The following SLIT3 variants were observed in gnomAD, a reference collection of about 807,000 sequenced individuals.
SLIT3 encodes the protein slit guidance ligand 3, also known as slit homolog 3 protein.
SLIT3 carries 68 observed loss-of-function variants against 184.0 expected under a neutral mutation model. That is an observed-to-expected ratio of 0.37 (90% confidence interval 0.30 to 0.45). SLIT3 has a LOEUF of 0.45. SLIT3 is among the 20% of genes least tolerant of loss of function. The probability of loss-of-function intolerance (pLI) is 1.00; values close to 1 mark genes in which losing one functional copy is unlikely to be tolerated. For missense variants in SLIT3, 1,707 were observed against 2,026.0 expected, an observed-to-expected ratio of 0.84 and a Z score of 3.02; for synonymous variants, 831 against 828.6, an observed-to-expected ratio of 1.00 and a Z score of -0.05.
At chr5:169,018,534 G>A (rs945323467) in intron 4 of SLIT3, 1 of 152,214 alleles carries the variant, frequency 6.6e-6, no homozygotes, top group Non-Finnish European at 1.5e-5. Flanking sequence ...GAGACATGGG[G>A]ACTCAAGAAA....
chr5:168,685,271 G>A (rs1387149510), intron 31 of SLIT3, among the ~76,000 whole-genome samples: 5 of 152,182 alleles, frequency 3.3e-5, no homozygotes, highest in Admixed American at 2.0e-4. Context: ...AAAAGTTCTC[G>A]AGGTGATTCT....
chr5:169,260,701 A>G (rs946016358), intron 1 of SLIT3, among the ~76,000 whole-genome samples: 19 of 152,162 alleles, frequency 1.2e-4, no homozygotes, highest in African/African-American at 4.6e-4. Flanking sequence ...TGAATTTTCT[A>G]CCTGTTTTCT....
At chr5:168,857,763 C>G (rs1426595050) in intron 5 of SLIT3, among the ~76,000 whole-genome samples, 1 of 152,168 alleles carries the variant, frequency 6.6e-6, no homozygotes, top group Non-Finnish European at 1.5e-5. Flanking sequence ...GAGGGCTGAA[C>G]AGCAGGGTGG....
In SLIT3 at chr5:168,789,614, T is replaced by C; in HGVS notation, c.1025A>G (p.Gln342Arg). 1 of 1,613,582 alleles carries C rather than the reference T, an allele frequency of 6.2e-7. No homozygotes were observed. Among genetic ancestry groups the C allele is most frequent in the Non-Finnish European group, 8.5e-7 (1 of 1,179,694 alleles). Reference protein sequence around the residue: ...KLKRIDISKNQISDIAPDAFQ... With the variant: ...KLKRIDISKNRISDIAPDAFQ... ...GGCATCTGGAGCAATATCCGATATC[T>C]GATTCTTGCTGATGTCTCTGAAAAC... Residue 342 changes from glutamine to arginine, a missense_variant, in exon 11 of 36, where the codon CAG becomes CGG. Physicochemically the swap from Gln to Arg is conservative, Grantham distance 43. This residue lies in a region of SLIT3 where 1,307 missense variants were observed against 1,511.6 expected (regional missense o/e 0.86). Coordinates refer to ENST00000519560, the MANE Select transcript of SLIT3 (RefSeq NM_003062.4).
chr5:169,002,585 A>T (rs1282408319), intron 4 of SLIT3, among the ~76,000 whole-genome samples: 1 of 152,102 alleles, frequency 6.6e-6, no homozygotes, highest in African/African-American at 2.4e-5. Context: ...AGTCACGTGG[A>T]GTGAGTGAGT....
At chr5:168,923,733 G>T (rs982044257) in intron 4 of SLIT3, among the ~76,000 whole-genome samples, 1 of 152,142 alleles carries the variant, frequency 6.6e-6, no homozygotes, top group African/African-American at 2.4e-5. Flanking sequence ...GGGCAGGCTG[G>T]TCTTGAACTC....
rs1756285452 is a variant in SLIT3 at position 168,789,650 on chromosome 5, A to C, written c.1008-19T>G. On this transcript the variant is annotated intron_variant, in intron 10 of 35. Transcript: ENST00000519560. ...GATGTCTCTGAAAACGTTAACGGTAAAGTCTGAGAACATGGCTCAAAGGTG... is the reference window on the plus strand; with the variant it reads ...GATGTCTCTGAAAACGTTAACGGTACAGTCTGAGAACATGGCTCAAAGGTG... The C allele has an allele frequency of 5.0e-6, 8 of 1,604,274 alleles. No individual in the cohort carries two copies. The highest frequency in any genetic ancestry group is 6.8e-6 in the Non-Finnish European group (8 of 1,171,768).
At chr5:169,192,134 T>A (rs1763573462) in intron 4 of SLIT3, among the ~76,000 whole-genome samples, 1 of 152,172 alleles carries the variant, frequency 6.6e-6, no homozygotes, top group African/African-American at 2.4e-5. Flanking sequence ...TATCCAGCTC[T>A]TCTGGACCCC....
intron 1 of SLIT3, among the ~76,000 whole-genome samples, chr5:169,292,885 G>A (rs1180817348): frequency 6.6e-6 from 1 of 152,246 alleles, no homozygotes; most frequent in African/African-American, 2.4e-5. Context: ...GGAGATATGG[G>A]GATGTCAGGC....
At chr5:168,899,346 T>A (rs540934668) in intron 4 of SLIT3, among the ~76,000 whole-genome samples, 6 of 152,042 alleles carry the variant, frequency 3.9e-5, no homozygotes, top group Non-Finnish European at 8.8e-5. Context: ...GGAAATCCCA[T>A]CACTACGAAA....
At chr5:168,692,420 A>C (rs1173725548) in intron 29 of SLIT3, among the ~76,000 whole-genome samples, 187 bp downstream of exon 29, 1 of 152,136 alleles carries the variant, frequency 6.6e-6, no homozygotes, top group African/African-American at 2.4e-5. Context: ...AGAGACACCC[A>C]CAGACAGACA....
At chr5:168,692,433 G>A (rs2113252711) in intron 29 of SLIT3, among the ~76,000 whole-genome samples, 174 bp downstream of exon 29, 1 of 152,264 alleles carries the variant, frequency 6.6e-6, no homozygotes, top group Non-Finnish European at 1.5e-5. Context: ...GACAGACAGA[G>A]GCACGCATAG....
At chr5:168,963,896 C>A (rs904219374) in intron 4 of SLIT3, among the ~76,000 whole-genome samples, 3 of 152,014 alleles carry the variant, frequency 2.0e-5, no homozygotes, top group Non-Finnish European at 4.4e-5. Context: ...GTGCCTTAAG[C>A]AAAATAAAAG....
At chr5:169,273,545 C>A (rs1766699391) in intron 1 of SLIT3, among the ~76,000 whole-genome samples, 1 of 152,220 alleles carries the variant, frequency 6.6e-6, no homozygotes, top group Non-Finnish European at 1.5e-5. Flanking sequence ...GGCCACACTG[C>A]AGACCAACTA....
chr5:169,175,890 C>T (rs1762968085), intron 4 of SLIT3, among the ~76,000 whole-genome samples: 2 of 152,200 alleles, frequency 1.3e-5, no homozygotes, highest in South Asian at 4.1e-4. Flanking sequence ...ATGTTGGCTG[C>T]AGCAGGGCTG....
intron 4 of SLIT3, among the ~76,000 whole-genome samples, chr5:168,901,538 C>G (rs1323481923): frequency 6.6e-6 from 1 of 152,158 alleles, no homozygotes; most frequent in East Asian, 1.9e-4. Flanking sequence ...ACCAACACCC[C>G]AACTATTACT....
chr5:169,084,112 G>T (rs927926412), intron 4 of SLIT3, among the ~76,000 whole-genome samples: 1 of 152,050 alleles, frequency 6.6e-6, no homozygotes, highest in African/African-American at 2.4e-5. Context: ...CAGTTTGGCC[G>T]AGAGCGGGAT....
chr5:168,788,264 T>G (rs1295520954), intron 11 of SLIT3, among the ~76,000 whole-genome samples: 1 of 152,190 alleles, frequency 6.6e-6, no homozygotes, highest in Non-Finnish European at 1.5e-5. Flanking sequence ...TGGTCCCATC[T>G]TTGATATCCC....
intron 5 of SLIT3, among the ~76,000 whole-genome samples, chr5:168,879,473 A>G (rs1246093678): frequency 1.3e-5 from 2 of 152,230 alleles, no homozygotes; most frequent in Non-Finnish European, 2.9e-5. Flanking sequence ...GTGCCGATGC[A>G]TATTTAAACA....
Sources: allele counts gnomAD v4.1 joint callset (sites outside exome capture counted in the v4.1 genomes callset), GRCh38; gene constraint gnomAD v4.1.1; regional missense constraint gnomAD v4.1.1; transcripts MANE v1.5; gene names NCBI Gene and HGNC (gene_info 2026-07-23, HGNC 2026-07-21).